FMN1: variants seen among roughly 807,000 people sequenced by gnomAD.
FMN1 encodes formin-1.
Under a neutral mutation model 132.4 loss-of-function variants are expected in FMN1, and 110 were observed. The ratio of observed to expected loss-of-function variants is 0.83; its 90% confidence interval spans 0.71 to 0.97. FMN1 has a LOEUF of 0.97. Ranked by LOEUF, FMN1 falls within the 50% of genes least tolerant of loss-of-function variation. The pLI, the probability that FMN1 is intolerant of heterozygous loss-of-function variation, is 0.00. For missense variants in FMN1, 1,792 were observed against 1,705.3 expected, an observed-to-expected ratio of 1.05 and a Z score of -0.90; for synonymous variants, 722 against 651.7, an observed-to-expected ratio of 1.11 and a Z score of -1.64.
At chr15:33,121,157 G>T (rs546455251) in intron 4 of FMN1, among the ~76,000 whole-genome samples, 52 of 152,220 alleles carry the variant, frequency 3.4e-4, no homozygotes, top group African/African-American at 1.1e-3. Flanking sequence ...CTTTCTCCAA[G>T]GACTTAGATC....
chr15:32,777,403 T>C (rs2056453670), intron 19 of FMN1, among the ~76,000 whole-genome samples: 1 of 150,072 alleles, frequency 6.7e-6, no homozygotes, highest in Non-Finnish European at 1.5e-5. Context: ...AATATATGTA[T>C]TTTTCATTCT....
chr15:33,000,452 A>G (rs866364596), intron 7 of FMN1, among the ~76,000 whole-genome samples: 2,520 of 11,544 alleles, frequency 0.22, 73 homozygotes, highest in Middle Eastern at 0.38. Context: ...CCATCTCAGG[A>G]AAAAAAAAAA....
In FMN1 at chr15:32,951,424, G is replaced by GACACAC. The variant is rs3081377; in HGVS notation, c.3138+12677_3138+12682dup. ...TAACTGCATAGCTGCGCCCCAGTGG[G>GACACAC]ACACACACACACACACACACACACA... On this transcript the variant is annotated intron_variant, in intron 9 of 20. Coordinates refer to ENST00000616417, the MANE Select transcript of FMN1 (RefSeq NM_001277313.2). 8.2e-3 allele frequency among the ~76,000 whole-genome samples: 1,225 copies of GACACAC among 149,052 alleles called. 11 individuals are homozygous for GACACAC. The highest frequency in any genetic ancestry group is 0.027 in the African/African-American group (1,124 of 40,928).
intron 16 of FMN1, among the ~76,000 whole-genome samples, chr15:32,883,900 C>T (rs1187344560): frequency 2.0e-5 from 3 of 152,148 alleles, no homozygotes; most frequent in Non-Finnish European, 4.4e-5. Flanking sequence ...ATATGATTTT[C>T]GTACAGAGCA....
intron 7 of FMN1, among the ~76,000 whole-genome samples, chr15:32,976,486 TA>T (rs1402429654): frequency 6.6e-6 from 1 of 152,188 alleles, no homozygotes; most frequent in East Asian, 1.9e-4. Flanking sequence ...CTAGCCACTG[TA>T]AAAACAAAAG....
In FMN1 at chr15:32,898,908, G is replaced by C; in HGVS notation, c.3655-15C>G. 6.5e-7 allele frequency: 1 copy of C among 1,538,310 alleles called. No homozygotes were observed. Among genetic ancestry groups the C allele is most frequent in the Non-Finnish European group, 9.0e-7 (1 of 1,114,292 alleles). On this transcript the variant is annotated splice_polypyrimidine_tract_variant and intron_variant, in intron 14 of 20. Coordinates refer to ENST00000616417, the MANE Select transcript of FMN1 (RefSeq NM_001277313.2). ...ATCCCATTATCCTAGGTTTAAAAGA[G>C]AAATGTACATGAAAATCATTCCCAT...
intron 9 of FMN1, among the ~76,000 whole-genome samples, chr15:32,946,613 G>A (rs916736073): frequency 1.3e-5 from 2 of 152,130 alleles, no homozygotes; most frequent in Non-Finnish European, 2.9e-5. Context: ...TAAAAAATTA[G>A]CCCAAAATTA....
At chr15:33,038,778 C>T (rs2036297304) in intron 6 of FMN1, among the ~76,000 whole-genome samples, 2 of 152,160 alleles carry the variant, frequency 1.3e-5, no homozygotes, top group African/African-American at 4.8e-5. Context: ...AGACTTTCAC[C>T]TGTTGTTGGA....
chr15:33,193,626 A>G (rs576838898), intron 2 of FMN1, among the ~76,000 whole-genome samples: 1 of 152,280 alleles, frequency 6.6e-6, no homozygotes, highest in South Asian at 2.1e-4. Flanking sequence ...CTCCCCATAT[A>G]TATCACAGGT....
In FMN1 at chr15:32,830,665, T is replaced by G. The variant is rs974673981; in HGVS notation, c.3929-26333A>C. ...AGTAATTTCTCAAATATTTAAAAAT[T>G]GAAAGAAGTGCCACAGAGGTAACAG... On this transcript the variant is annotated intron_variant, in intron 17 of 20. Transcript: ENST00000616417. Among the ~76,000 whole-genome samples, 8 of 152,220 alleles carry G rather than the reference T, an allele frequency of 5.3e-5. No homozygotes were observed. The East Asian group carries it at 1.4e-3, about 26-fold the overall frequency.
chr15:33,139,230 A>G (rs756285191), intron 4 of FMN1, among the ~76,000 whole-genome samples: 2 of 152,198 alleles, frequency 1.3e-5, no homozygotes, highest in Non-Finnish European at 1.5e-5. Flanking sequence ...ATGAAAATCT[A>G]TTATAAAGTT....
chr15:33,170,522 C>A (rs1339695306), intron 3 of FMN1, among the ~76,000 whole-genome samples: 2 of 148,452 alleles, frequency 1.3e-5, no homozygotes, highest in East Asian at 3.9e-4. Context: ...AACAAACATA[C>A]AGAATATACA....
chr15:33,046,446 A>G (rs2036688900), intron 6 of FMN1, among the ~76,000 whole-genome samples: 1 of 152,196 alleles, frequency 6.6e-6, no homozygotes, highest in Non-Finnish European at 1.5e-5. Context: ...GAAGTTTGAC[A>G]CTTGCCAGTT....
intron 6 of FMN1, among the ~76,000 whole-genome samples, chr15:33,036,744 A>C (rs988217221): frequency 6.6e-6 from 1 of 152,248 alleles, no homozygotes; most frequent in Non-Finnish European, 1.5e-5. Flanking sequence ...ATCCATGTAG[A>C]GCATTTAGCT....
At position 33,065,013 on chromosome 15, in the gene FMN1, G is replaced by T. The variant is rs757195623; in HGVS notation, c.2105C>A (p.Pro702Gln). 2 of 1,611,882 alleles carry T rather than the reference G, an allele frequency of 1.2e-6. No individual in the cohort carries two copies. The highest frequency in any genetic ancestry group is 8.5e-7 in the Non-Finnish European group (1 of 1,178,966). ...RTPGRLQAVW[P>Q]PPKTKDTEEK... The stretch of plus-strand genomic sequence containing the variant: ...TTCTGTGTCTTTTGTCTTTGGGGGT[G>T]GCCAGACAGCTTGAAGTCTGCCAGG... Residue 702 changes from proline (P) to glutamine (Q), a missense_variant, in exon 6 of 21, where the codon CCA becomes CAA. Pro to Gln is a moderately conservative substitution (Grantham distance 76). Coordinates refer to ENST00000616417, the MANE Select transcript of FMN1 (RefSeq NM_001277313.2).
chr15:32,987,765 A>C (rs2033160848), intron 7 of FMN1, among the ~76,000 whole-genome samples: 1 of 152,210 alleles, frequency 6.6e-6, no homozygotes, highest in African/African-American at 2.4e-5. Flanking sequence ...AGGTAAGAAT[A>C]AAAGCATAGA....
intron 7 of FMN1, among the ~76,000 whole-genome samples, chr15:32,998,359 G>C (rs1448259612): frequency 1.3e-5 from 2 of 152,152 alleles, no homozygotes; most frequent in African/African-American, 4.8e-5. Flanking sequence ...GGTAACATGG[G>C]AAAAGAAAAT....
chr15:33,127,548 C>T (rs1288340046), intron 4 of FMN1, among the ~76,000 whole-genome samples: 2 of 152,186 alleles, frequency 1.3e-5, no homozygotes, highest in African/African-American at 4.8e-5. Context: ...AGTTTTTAAA[C>T]AGTGAACCTT....
At chr15:33,019,235 C>T (rs1010617527) in intron 6 of FMN1, among the ~76,000 whole-genome samples, 1 of 152,140 alleles carries the variant, frequency 6.6e-6, no homozygotes, top group Non-Finnish European at 1.5e-5. Flanking sequence ...TCCACCTCCC[C>T]ACTAGATTAG....
Sources: allele counts gnomAD v4.1 joint callset (sites outside exome capture counted in the v4.1 genomes callset), GRCh38; gene constraint gnomAD v4.1.1; transcripts MANE v1.5; gene names NCBI Gene and HGNC (gene_info 2026-07-23, HGNC 2026-07-21).